Variants in EHBP1 observed in about 807,000 individuals in gnomAD.
EHBP1 encodes the protein EH domain binding protein 1, also known as EH domain-binding protein 1.
Under a neutral mutation model 144.0 loss-of-function variants are expected in EHBP1, and 55 were observed. The ratio of observed to expected loss-of-function variants is 0.38; its 90% confidence interval spans 0.31 to 0.48. EHBP1 has a LOEUF of 0.48. Among genes scored for constraint, EHBP1 ranks in the 20% least tolerant of loss-of-function variants. The pLI is 0.98. For missense variants in EHBP1, 1,200 were observed against 1,364.2 expected, an observed-to-expected ratio of 0.88 and a Z score of 1.90; for synonymous variants, 469 against 472.7, an observed-to-expected ratio of 0.99 and a Z score of 0.10.
At chr2:63,023,457 G>A (rs1463862743) in intron 19 of EHBP1, among the ~76,000 whole-genome samples, 1 of 152,192 alleles carries the variant, frequency 6.6e-6, no homozygotes, top group East Asian at 1.9e-4. Context: ...AAGTATGTAA[G>A]TTAGTTTTAT....
intron 2 of EHBP1, among the ~76,000 whole-genome samples, chr2:62,739,388 C>CTT (rs796281688): frequency 2.2e-5 from 3 of 139,434 alleles, no homozygotes; most frequent in African/African-American, 2.6e-5. Context: ...TTGATAGATT[C>CTT]TTTTTTTTTT....
chr2:62,965,341 A>G (rs923457639), intron 14 of EHBP1, among the ~76,000 whole-genome samples: 2 of 152,232 alleles, frequency 1.3e-5, no homozygotes, highest in African/African-American at 4.8e-5. Context: ...ATTAAGAAAT[A>G]TGCACGACTA....
At chr2:63,027,897 G>A (rs1574532514) in intron 19 of EHBP1, among the ~76,000 whole-genome samples, 1 of 152,120 alleles carries the variant, frequency 6.6e-6, no homozygotes, top group East Asian at 1.9e-4. Flanking sequence ...CAAATCTATT[G>A]TACAACGTGG....
intron 3 of EHBP1, among the ~76,000 whole-genome samples, chr2:62,754,643 G>C (rs1238963371): frequency 6.6e-6 from 1 of 152,188 alleles, no homozygotes; most frequent in Non-Finnish European, 1.5e-5. Flanking sequence ...GCTCCACCCA[G>C]TTCGAGCTTC....
At chr2:62,850,787 CT>C (rs1307201885) in intron 7 of EHBP1, among the ~76,000 whole-genome samples, 2 of 151,918 alleles carry the variant, frequency 1.3e-5, no homozygotes, top group Non-Finnish European at 1.5e-5. Context: ...TATAAATTTT[CT>C]TTTAAGTTAA....
intron 7 of EHBP1, among the ~76,000 whole-genome samples, chr2:62,841,183 C>G (rs956832419): frequency 6.6e-6 from 1 of 152,046 alleles, no homozygotes; most frequent in Admixed American, 6.5e-5. Flanking sequence ...AGTTCATGTC[C>G]TTTGTATGGA....
chr2:63,020,445 A>G (rs2060689194), intron 19 of EHBP1, among the ~76,000 whole-genome samples: 1 of 151,042 alleles, frequency 6.6e-6, no homozygotes, highest in Admixed American at 6.6e-5. Flanking sequence ...GGAGGTTGCA[A>G]TGACCCGAGA....
chr2:62,970,437 A>T (rs2058445764), intron 14 of EHBP1, among the ~76,000 whole-genome samples: 1 of 152,160 alleles, frequency 6.6e-6, no homozygotes, highest in Non-Finnish European at 1.5e-5. Context: ...TTTTTATGTT[A>T]TAAACACAAT....
At chr2:62,917,339 A>G (rs1212980893) in intron 10 of EHBP1, among the ~76,000 whole-genome samples, 1 of 152,210 alleles carries the variant, frequency 6.6e-6, no homozygotes, top group African/African-American at 2.4e-5. Flanking sequence ...ATACAGTAAA[A>G]ATACAGTATT....
chr2:62,808,106 TG>T (rs938526746), intron 5 of EHBP1, among the ~76,000 whole-genome samples: 5 of 151,798 alleles, frequency 3.3e-5, no homozygotes, highest in African/African-American at 1.2e-4. Context: ...GTAGGTTTTT[TG>T]GCCTTTATCC....
At chr2:62,705,580 G>C (rs1340063854), upstream of EHBP1, 2 of 152,172 alleles carry the variant, frequency 1.3e-5, no homozygotes, top group African/African-American at 2.4e-5. Context: ...CGGAGCCCCT[G>C]TGATGGGCAG....
intron 11 of EHBP1, among the ~76,000 whole-genome samples, chr2:62,943,117 C>G (rs749093751): frequency 9.9e-5 from 15 of 152,256 alleles, no homozygotes; most frequent in Non-Finnish European, 1.8e-4. Flanking sequence ...CGGCTCACGC[C>G]TATAATCTCA....
In EHBP1 at chr2:62,708,782, G is replaced by C. The variant is rs556364645; in HGVS notation, c.104+1487G>C. ...TGTCCAGGAAGCCAAGGGAGAAGAC[G>C]TAAAAGACATTCTAGACTGAAGCAA... is the stretch of plus-strand genomic sequence containing the variant. On this transcript the variant is annotated intron_variant, in intron 2 of 22. Coordinates refer to ENST00000431489, the MANE Select transcript of EHBP1 (RefSeq NM_001142616.3). Among the ~76,000 whole-genome samples, 3 of 152,250 alleles carry C rather than the reference G, an allele frequency of 2.0e-5. No individual in the cohort carries two copies. The East Asian group carries it at 5.8e-4, about 29-fold the overall frequency.
At chr2:62,942,934 G>T (rs766975104) in intron 11 of EHBP1, 38 bp downstream of exon 11, 202 of 1,384,626 alleles carry the variant, frequency 1.5e-4, no homozygotes, top group Non-Finnish European at 1.9e-4. Context: ...TATTTTGTAA[G>T]TGATAGACAT....
At chr2:62,989,893 C>A (rs1175859833) in intron 15 of EHBP1, among the ~76,000 whole-genome samples, 2 of 151,860 alleles carry the variant, frequency 1.3e-5, no homozygotes, top group East Asian at 3.9e-4. Context: ...AAAAGAGAAG[C>A]CTTGCAATAT....
intron 10 of EHBP1, among the ~76,000 whole-genome samples, chr2:62,909,918 C>G (rs1362181308): frequency 6.6e-6 from 1 of 152,016 alleles, no homozygotes; most frequent in Non-Finnish European, 1.5e-5. Flanking sequence ...TCACCACACC[C>G]AGCAAATTTT....
chr2:62,979,930 G>A (rs1229208373), intron 15 of EHBP1, among the ~76,000 whole-genome samples: 1 of 152,134 alleles, frequency 6.6e-6, no homozygotes, highest in Non-Finnish European at 1.5e-5. Flanking sequence ...CTTCAGAGAT[G>A]CTCAATTTGG....
chr2:62,989,042 A>C (rs1332383915), intron 15 of EHBP1, among the ~76,000 whole-genome samples: 3 of 152,096 alleles, frequency 2.0e-5, no homozygotes, highest in African/African-American at 7.2e-5. Context: ...GCCGGGTGTT[A>C]AATTATACTA....
chr2:63,022,459 C>A (rs1250602580), intron 19 of EHBP1, among the ~76,000 whole-genome samples: 2 of 152,070 alleles, frequency 1.3e-5, no homozygotes, highest in Non-Finnish European at 2.9e-5. Flanking sequence ...GGACTACAGA[C>A]ATGCACCACC....
Sources: gnomAD v4.1 joint callset for allele counts (sites outside exome capture counted in the v4.1 genomes callset) on GRCh38, gnomAD v4.1.1 for gene constraint, MANE v1.5 for transcripts, NCBI Gene and HGNC (gene_info 2026-07-23, HGNC 2026-07-21) for gene names.